ADGRL2: variants seen among roughly 807,000 people sequenced by gnomAD.
ADGRL2 encodes the protein calcium-independent alpha-latrotoxin receptor 2.
Under a neutral mutation model 157.4 loss-of-function variants are expected in ADGRL2, and 44 were observed. The ratio of observed to expected loss-of-function variants is 0.28; its 90% CI spans 0.22 to 0.36. The LOEUF is 0.36. ADGRL2 is among the 10% of genes least tolerant of loss of function. ADGRL2 has a pLI of 1.00. For missense variants in ADGRL2, 1,510 were observed against 1,768.9 expected (o/e 0.85, Z 2.63); for synonymous variants, 585 against 624.7 (o/e 0.94, Z 0.95).
At chr1:81,938,978 A>G (rs1250605195) in intron 4 of ADGRL2, among the ~76,000 whole-genome samples, 1 of 151,466 alleles carries the variant, frequency 6.6e-6, no homozygotes, top group African/African-American at 2.4e-5. Context: ...TTTACACGTT[A>G]CTTAGTTGAT....
chr1:81,624,083 A>G (rs1354956405), intron 3 of ADGRL2, among the ~76,000 whole-genome samples: 1 of 152,164 alleles, frequency 6.6e-6, no homozygotes, highest in Non-Finnish European at 1.5e-5. Flanking sequence ...CAAAACAACC[A>G]GAAGCTAAGA....
chr1:81,707,154 G>A lies in ADGRL2; in HGVS notation c.-143+7346G>A, dbSNP rs576222110. 3.3e-4 allele frequency among the ~76,000 whole-genome samples: 50 copies of A among 152,216 alleles called. 1 individual carries two copies. The highest frequency in any genetic ancestry group is 1.1e-3 in the African/African-American group (47 of 41,528). On this transcript the variant is annotated intron_variant, in intron 1 of 20. Transcript: ENST00000359929. ...TTACTTCCCATCCTCAAGTGAAGGTGGGTGGCGGTTAATGGGGAAAAACTT... is the reference window on the plus strand; with the variant it reads ...TTACTTCCCATCCTCAAGTGAAGGTAGGTGGCGGTTAATGGGGAAAAACTT...
chr1:81,359,072 T>A (rs2075924886), intron 1 of ADGRL2, among the ~76,000 whole-genome samples: 1 of 151,744 alleles, frequency 6.6e-6, no homozygotes, highest in African/African-American at 2.4e-5. Flanking sequence ...AGGTTTAAAA[T>A]TTAAAAAAAA....
chr1:81,734,237 A>G (rs988417990), intron 1 of ADGRL2, among the ~76,000 whole-genome samples: 7 of 151,026 alleles, frequency 4.6e-5, no homozygotes, highest in Admixed American at 6.6e-5. Flanking sequence ...AGATCACACC[A>G]TTGCACTCCA....
At chr1:81,583,255 A>G (rs952921104) in intron 3 of ADGRL2, among the ~76,000 whole-genome samples, 3 of 152,190 alleles carry the variant, frequency 2.0e-5, no homozygotes, top group African/African-American at 4.8e-5. Flanking sequence ...AGAAGTAACA[A>G]TATTTCTACT....
intron 2 of ADGRL2, chr1:81,502,158 A>G: frequency 1.9e-6 from 3 of 1,591,906 alleles, no homozygotes; most frequent in Non-Finnish European, 1.7e-6. Context: ...CATGTGCAGA[A>G]AGTAGCTCGC....
intron 2 of ADGRL2, among the ~76,000 whole-genome samples, chr1:81,559,522 A>G (rs1253877099): frequency 6.6e-6 from 1 of 152,066 alleles, no homozygotes; most frequent in African/African-American, 2.4e-5. Flanking sequence ...TTTGAATCAA[A>G]TAGAATTTAT....
chr1:81,605,779 T>C (rs2081420200), intron 3 of ADGRL2, among the ~76,000 whole-genome samples: 1 of 152,226 alleles, frequency 6.6e-6, no homozygotes, highest in African/African-American at 2.4e-5. Flanking sequence ...CTAGTTCTAT[T>C]GTCTGTGAAT....
rs532432738 is a variant in ADGRL2, at chr1:81,402,121, A to C, written c.-301-42915A>C. ...ATTAGTCTGTCTTCCTTCTTTCTCA[A>C]ATACCACTAAAATCTAGCCTCTTTA... On this transcript the variant is annotated intron_variant, in intron 1 of 24. Coordinates refer to the ADGRL2 transcript ENST00000370721. Among the ~76,000 whole-genome samples the C allele has an allele frequency of 3.3e-5, 5 of 152,282 alleles. No homozygotes were observed. In the South Asian group the frequency reaches 1.0e-3, roughly 32 times the overall value.
At chr1:81,407,842 G>A (rs1033330811) in intron 1 of ADGRL2, among the ~76,000 whole-genome samples, 1 of 152,178 alleles carries the variant, frequency 6.6e-6, no homozygotes, top group Non-Finnish European at 1.5e-5. Flanking sequence ...TTGAAGGGGG[G>A]CTGTTTCATG....
At chr1:81,489,686 AAGAC>A (rs1370112200) in intron 2 of ADGRL2, among the ~76,000 whole-genome samples, 14 of 152,356 alleles carry the variant, frequency 9.2e-5, no homozygotes, top group South Asian at 2.1e-4. Flanking sequence ...TTTTGATTGA[AAGAC>A]AGAGAATCTT....
At chr1:81,914,141 T>C (rs2094799823) in intron 3 of ADGRL2, among the ~76,000 whole-genome samples, 1 of 152,142 alleles carries the variant, frequency 6.6e-6, no homozygotes, top group South Asian at 2.1e-4. Context: ...AGATTTCGGC[T>C]TGTGTATACT....
chr1:81,851,969 T>C (rs2093028414), intron 2 of ADGRL2, among the ~76,000 whole-genome samples: 1 of 151,986 alleles, frequency 6.6e-6, no homozygotes, highest in South Asian at 2.1e-4. Flanking sequence ...TGACTTAGAA[T>C]GGCGAATTAA....
intron 1 of ADGRL2, among the ~76,000 whole-genome samples, chr1:81,322,840 G>A (rs115572790): frequency 0.015 from 2,250 of 152,074 alleles, 18 homozygotes; most frequent in Non-Finnish European, 0.022. Context: ...GGATCACTAT[G>A]GATATCTTTC....
chr1:81,645,917 C>T (rs920598720), intron 3 of ADGRL2, among the ~76,000 whole-genome samples: 2 of 152,054 alleles, frequency 1.3e-5, no homozygotes, highest in Admixed American at 6.6e-5. Context: ...AGTCATCCTC[C>T]GAATTACAGT....
At chr1:81,650,055 T>TAAA (rs56088299) in intron 3 of ADGRL2, among the ~76,000 whole-genome samples, 16 of 143,420 alleles carry the variant, frequency 1.1e-4, no homozygotes, top group Non-Finnish European at 2.1e-4. Flanking sequence ...CACCTATTCT[T>TAAA]AAAAAAAAAA....
intron 2 of ADGRL2, among the ~76,000 whole-genome samples, chr1:81,547,726 C>G (rs533552100): frequency 1.3e-5 from 2 of 152,328 alleles, no homozygotes; most frequent in East Asian, 3.9e-4. Context: ...CAAAACTGAT[C>G]AATGGCTTCT....
At chr1:81,763,198 T>C (rs1323777948) in intron 2 of ADGRL2, among the ~76,000 whole-genome samples, 1 of 151,954 alleles carries the variant, frequency 6.6e-6, no homozygotes, top group African/African-American at 2.4e-5. Flanking sequence ...ATTTGAATAA[T>C]AAGCTATTCA....
intron 3 of ADGRL2, among the ~76,000 whole-genome samples, chr1:81,923,272 A>G (rs976958376): frequency 2.0e-5 from 3 of 152,194 alleles, no homozygotes; most frequent in Non-Finnish European, 2.9e-5. Context: ...AGTCAATTTG[A>G]TAAAAGGATT....
Sources: gnomAD v4.1 joint callset for allele counts (sites outside exome capture counted in the v4.1 genomes callset) on GRCh38, gnomAD v4.1.1 for gene constraint, MANE v1.5 for transcripts, NCBI Gene and HGNC (gene_info 2026-07-23, HGNC 2026-07-21) for gene names.